Variants in B4GALT6 observed in about 807,000 individuals in gnomAD.
B4GALT6 encodes UDP-Gal:beta-GlcNAc beta-1,4-galactosyltransferase 6.
A neutral mutation model predicts 46.3 loss-of-function variants in B4GALT6; 14 were observed. The observed-to-expected ratio is 0.30, with a 90% CI of 0.20 to 0.47. B4GALT6 has a LOEUF of 0.47. B4GALT6 is among the 20% of genes least tolerant of loss of function. The probability of loss-of-function intolerance (pLI) is 0.99; values close to 1 mark genes in which losing one functional copy is unlikely to be tolerated. For missense variants in B4GALT6, 386 were observed against 480.1 expected, an observed-to-expected ratio of 0.80 and a Z score of 1.83; for synonymous variants, 168 against 162.0, an observed-to-expected ratio of 1.04 and a Z score of -0.28.
At chr18:31,651,931 C>T (rs1036267492) in intron 3 of B4GALT6, among the ~76,000 whole-genome samples, 3 of 152,252 alleles carry the variant, frequency 2.0e-5, no homozygotes, top group Admixed American at 2.0e-4. Context: ...CCACCACGCC[C>T]AGCTAATTTT....
chr18:31,698,161 T>C, the B4GALT6 span, among the ~76,000 whole-genome samples: 1 of 152,236 alleles, frequency 6.6e-6, no homozygotes, highest in African/African-American at 2.4e-5. Context: ...TCTATATGCT[T>C]CATTCTGTGT....
At chr18:31,644,295 T>C (rs2073964602) in intron 4 of B4GALT6, among the ~76,000 whole-genome samples, 1 of 152,222 alleles carries the variant, frequency 6.6e-6, no homozygotes, top group Admixed American at 6.5e-5. Flanking sequence ...GTTTAGTGCT[T>C]ACCTTACACA....
intron 1 of B4GALT6, among the ~76,000 whole-genome samples, chr18:31,671,997 T>C (rs904665476): frequency 2.0e-5 from 3 of 152,254 alleles, no homozygotes; most frequent in African/African-American, 7.2e-5. Context: ...TGAGGCAAAC[T>C]TGTCTAATTC....
chr18:31,661,191 G>A (rs1398902183), intron 2 of B4GALT6, among the ~76,000 whole-genome samples: 2 of 152,110 alleles, frequency 1.3e-5, no homozygotes, highest in South Asian at 2.1e-4. Context: ...CAACAATACC[G>A]ATTTGAATTT....
the B4GALT6 span, among the ~76,000 whole-genome samples, chr18:31,698,647 A>G: frequency 4.6e-5 from 7 of 151,186 alleles, no homozygotes; most frequent in South Asian, 1.3e-3. Context: ...AAAAAAAAAA[A>G]GGAAAAAACA....
Position 31,627,139 on chromosome 18 carries a change from A to G in B4GALT6, c.777-18T>C. On this transcript the variant is annotated intron_variant, in intron 6 of 8. Transcript: ENST00000306851. ...ATGGAAGACTAGAAAAGAAAGACACAGTATTCTAAAAATAAAATCATAATA... is the reference window on the plus strand; with the variant it reads ...ATGGAAGACTAGAAAAGAAAGACACGGTATTCTAAAAATAAAATCATAATA... The G allele has an allele frequency of 6.4e-7, 1 of 1,572,600 alleles. No individual in the cohort carries two copies. Among genetic ancestry groups the G allele is most frequent in the South Asian group, 1.2e-5 (1 of 83,088 alleles).
intron 1 of B4GALT6, among the ~76,000 whole-genome samples, chr18:31,676,556 T>C (rs561857225): frequency 1.8e-4 from 27 of 152,192 alleles, no homozygotes; most frequent in Non-Finnish European, 3.2e-4. Flanking sequence ...CTGGTTGGTA[T>C]GAATAATGTA....
intron 2 of B4GALT6, among the ~76,000 whole-genome samples, chr18:31,660,006 G>A (rs1359974568): frequency 1.4e-5 from 2 of 141,996 alleles, no homozygotes; most frequent in African/African-American, 5.3e-5. Context: ...AGGCTGGAGT[G>A]CAGTGGCATG....
chr18:31,721,705 G>A, the B4GALT6 span, among the ~76,000 whole-genome samples: 7 of 152,192 alleles, frequency 4.6e-5, no homozygotes, highest in Non-Finnish European at 4.4e-5. Context: ...CTGAAACATA[G>A]GTGTCTTTCC....
chr18:31,642,639 C>T (rs554102217), intron 4 of B4GALT6, among the ~76,000 whole-genome samples: 7 of 152,212 alleles, frequency 4.6e-5, no homozygotes, highest in East Asian at 1.9e-4. Context: ...GTCCAACCTG[C>T]GCAGATCTTC....
chr18:31,626,878 A>G, intron 7 of B4GALT6, 121 bp downstream of exon 7: 2 of 793,738 alleles, frequency 2.5e-6, no homozygotes, highest in Non-Finnish European at 3.8e-6. Context: ...AACAGGGTTT[A>G]GAAACCTCAA....
At chr18:31,678,196 A>G (rs1269203087) in intron 1 of B4GALT6, among the ~76,000 whole-genome samples, 2 of 152,136 alleles carry the variant, frequency 1.3e-5, no homozygotes, top group East Asian at 1.9e-4. Context: ...TATCCCAAAC[A>G]AAGCACCCTC....
intron 3 of B4GALT6, among the ~76,000 whole-genome samples, chr18:31,654,501 G>A (rs1167975312): frequency 6.6e-6 from 1 of 152,186 alleles, no homozygotes; most frequent in Non-Finnish European, 1.5e-5. Flanking sequence ...AGGCTTTATA[G>A]TGTAATTGGC....
the B4GALT6 span, chr18:31,724,616 C>T: frequency 2.8e-6 from 3 of 1,058,900 alleles, no homozygotes; most frequent in East Asian, 8.3e-5. Context: ...GGGGCCAGAG[C>T]AGTTCGCTGC....
chr18:31,690,546 T>G (rs1169601137), upstream of B4GALT6, among the ~76,000 whole-genome samples: 1 of 151,912 alleles, frequency 6.6e-6, no homozygotes, highest in Non-Finnish European at 1.5e-5. Context: ...CTTGGCTCAC[T>G]CTAACCTCCG....
chr18:31,627,905 C>T (rs1034440928), intron 6 of B4GALT6, among the ~76,000 whole-genome samples: 6 of 152,186 alleles, frequency 3.9e-5, no homozygotes, highest in Admixed American at 2.0e-4. Flanking sequence ...GACTGAAACA[C>T]GCCCCTGGGG....
At chr18:31,706,874 A>C in the B4GALT6 span, among the ~76,000 whole-genome samples, 1 of 152,226 alleles carries the variant, frequency 6.6e-6, no homozygotes, top group African/African-American at 2.4e-5. Flanking sequence ...AGAGAAACTT[A>C]CTGAGTGCTC....
intron 5 of B4GALT6, among the ~76,000 whole-genome samples, chr18:31,634,824 T>C (rs1004089991): frequency 1.6e-4 from 25 of 152,322 alleles, no homozygotes; most frequent in African/African-American, 6.0e-4. Context: ...TGAATTAATA[T>C]TGATCAAGCC....
Position 31,625,605 on chromosome 18 carries a change from C to T in B4GALT6, c.*9G>A. The T allele has an allele frequency of 3.7e-6, 6 of 1,613,380 alleles. 1 individual carries two copies. In the South Asian group the frequency reaches 6.6e-5, roughly 18 times the overall value. ...ATTGTGGTCTACCTTGCCACGACAG[C>T]CACTTCTTTTAATAGTCTTCGATTG... On this transcript the variant is annotated 3_prime_UTR_variant, in exon 9 of 9. Coordinates refer to ENST00000306851, the MANE Select transcript of B4GALT6 (RefSeq NM_004775.5).
Sources: allele counts gnomAD v4.1 joint callset (sites outside exome capture counted in the v4.1 genomes callset), GRCh38; gene constraint gnomAD v4.1.1; transcripts MANE v1.5; gene names NCBI Gene and HGNC (gene_info 2026-07-23, HGNC 2026-07-21).